Variants in PRKG1 observed in about 807,000 individuals in gnomAD.
The protein encoded by PRKG1 is protein kinase cGMP-dependent 1.
Under a neutral mutation model 88.1 loss-of-function variants are expected in PRKG1, and 35 were observed. The ratio of observed to expected loss-of-function variants is 0.40; its 90% CI spans 0.30 to 0.53. The LOEUF is 0.53. PRKG1 is among the 20% of genes least tolerant of loss of function. PRKG1 has a pLI of 0.59. For synonymous variants in PRKG1, 303 were observed against 292.5 expected, an observed-to-expected ratio of 1.04 and a Z score of -0.37; for missense variants, 540 against 839.8, an observed-to-expected ratio of 0.64 and a Z score of 4.41.
At chr10:51,196,944 C>A (rs924981494) in intron 2 of PRKG1, among the ~76,000 whole-genome samples, 3 of 152,064 alleles carry the variant, frequency 2.0e-5, no homozygotes, top group African/African-American at 7.2e-5. Flanking sequence ...AGATATATTT[C>A]CCTTCTCTTG....
intron 2 of PRKG1, among the ~76,000 whole-genome samples, chr10:51,369,972 C>G (rs1014834674): frequency 1.3e-5 from 2 of 152,136 alleles, no homozygotes; most frequent in Non-Finnish European, 2.9e-5. Flanking sequence ...CTTTCTTGTA[C>G]TAACTCTAGC....
At chr10:51,584,537 A>T (rs1473161104) in intron 3 of PRKG1, among the ~76,000 whole-genome samples, 1 of 152,060 alleles carries the variant, frequency 6.6e-6, no homozygotes, top group Non-Finnish European at 1.5e-5. Context: ...CTAAGTAGAA[A>T]GTTACTTACC....
intron 9 of PRKG1, among the ~76,000 whole-genome samples, chr10:52,166,526 C>A (rs1384283661): frequency 6.8e-6 from 1 of 146,314 alleles, no homozygotes; most frequent in Non-Finnish European, 1.5e-5. Flanking sequence ...CTCCGCCTCC[C>A]GGGTTCACAC....
intron 4 of PRKG1, among the ~76,000 whole-genome samples, chr10:51,840,396 T>C (rs2132774775): frequency 6.6e-6 from 1 of 152,264 alleles, no homozygotes; most frequent in East Asian, 1.9e-4. Flanking sequence ...TCCTTTTTAT[T>C]CTGATACTTT....
intron 2 of PRKG1, among the ~76,000 whole-genome samples, chr10:51,442,640 A>G (rs1839151236): frequency 6.6e-6 from 1 of 152,020 alleles, no homozygotes; most frequent in African/African-American, 2.4e-5. Context: ...ATTAAAATAA[A>G]TGAGGCTAAT....
chr10:52,061,934 A>AT (rs1589569371), intron 6 of PRKG1, among the ~76,000 whole-genome samples: 1 of 152,066 alleles, frequency 6.6e-6, no homozygotes, highest in East Asian at 1.9e-4. Context: ...ATATGGAGGC[A>AT]TTTAGAAGGA....
chr10:51,233,873 A>T (rs1838912065), intron 2 of PRKG1, among the ~76,000 whole-genome samples: 1 of 152,134 alleles, frequency 6.6e-6, no homozygotes, highest in Non-Finnish European at 1.5e-5. Flanking sequence ...AGTAGGTATG[A>T]ATTTGCCCTG....
chr10:52,093,162 A>G (rs1213272930), intron 7 of PRKG1, among the ~76,000 whole-genome samples: 2 of 152,196 alleles, frequency 1.3e-5, no homozygotes, highest in Non-Finnish European at 2.9e-5. Context: ...TTAGAAATAC[A>G]TGACAAATAT....
chr10:51,038,783 A>C (rs188344767), intron 1 of PRKG1, among the ~76,000 whole-genome samples: 1 of 152,312 alleles, frequency 6.6e-6, no homozygotes, highest in East Asian at 1.9e-4. Flanking sequence ...TGCAGCAATA[A>C]ACAGCAAGTA....
At chr10:51,034,668 T>TTTA (rs9299454) in intron 1 of PRKG1, among the ~76,000 whole-genome samples, 8,011 of 67,914 alleles carry the variant, frequency 0.12, 1,141 homozygotes, top group African/African-American at 0.15. Context: ...AATATGTTAT[T>TTTA]TATATATATA....
intron 1 of PRKG1, among the ~76,000 whole-genome samples, chr10:51,083,697 G>A (rs906717988): frequency 3.3e-5 from 5 of 152,080 alleles, no homozygotes; most frequent in East Asian, 1.9e-4. Flanking sequence ...TTGAGAGGTC[G>A]GAGACGACAC....
intron 3 of PRKG1, among the ~76,000 whole-genome samples, chr10:51,667,057 G>A (rs958152556): frequency 1.3e-4 from 20 of 151,974 alleles, no homozygotes; most frequent in African/African-American, 3.9e-4. Context: ...CTGCCTCACC[G>A]TCCCAAAGTG....
chr10:51,560,719 T>C (rs953672447), intron 3 of PRKG1, among the ~76,000 whole-genome samples: 12 of 152,030 alleles, frequency 7.9e-5, no homozygotes, highest in Non-Finnish European at 1.5e-4. Context: ...ATTGATTGTT[T>C]CTCAGGTTTA....
At chr10:52,139,624 A>G (rs955135023) in intron 8 of PRKG1, among the ~76,000 whole-genome samples, 15 of 152,216 alleles carry the variant, frequency 9.9e-5, no homozygotes, top group African/African-American at 3.1e-4. Context: ...GCCAAATGGG[A>G]TAGAAATATG....
chr10:52,271,934 CT>C (rs1841739747), intron 11 of PRKG1, among the ~76,000 whole-genome samples: 1 of 152,042 alleles, frequency 6.6e-6, no homozygotes, highest in South Asian at 2.1e-4. Flanking sequence ...GTGGAAGCAG[CT>C]TTTTGTAGTG....
At chr10:51,404,076 C>G (rs532467683) in intron 2 of PRKG1, among the ~76,000 whole-genome samples, 1 of 152,240 alleles carries the variant, frequency 6.6e-6, no homozygotes, top group South Asian at 2.1e-4. Context: ...AACATTAGTG[C>G]ATAGTGCTGT....
At chr10:51,005,825 A>G (rs1755014511) in intron 1 of PRKG1, among the ~76,000 whole-genome samples, 1 of 152,186 alleles carries the variant, frequency 6.6e-6, no homozygotes, top group Non-Finnish European at 1.5e-5. Flanking sequence ...ACAGTTGTGC[A>G]TATTTTTCCA....
chr10:51,889,637 T>A (rs1841666260), intron 4 of PRKG1, among the ~76,000 whole-genome samples: 1 of 152,204 alleles, frequency 6.6e-6, no homozygotes, highest in Non-Finnish European at 1.5e-5. Flanking sequence ...CGCCACACTC[T>A]CTTCCACAAT....
intron 2 of PRKG1, among the ~76,000 whole-genome samples, chr10:51,412,374 G>A (rs1005522247): frequency 2.8e-4 from 42 of 152,134 alleles, no homozygotes; most frequent in African/African-American, 9.9e-4. Context: ...TAAGGGCATA[G>A]TGTCTCACGC....
Sources: gnomAD v4.1 joint callset for allele counts (sites outside exome capture counted in the v4.1 genomes callset) on GRCh38, gnomAD v4.1.1 for gene constraint, MANE v1.5 for transcripts, NCBI Gene and HGNC (gene_info 2026-07-23, HGNC 2026-07-21) for gene names.